Variants in ADAM22 observed in about 807,000 individuals in gnomAD.
The protein encoded by ADAM22 is ADAM metallopeptidase domain 22.
Under a neutral mutation model 144.6 loss-of-function variants are expected in ADAM22, and 65 were observed. The ratio of observed to expected loss-of-function variants is 0.45; its 90% confidence interval spans 0.37 to 0.55. The LOEUF is 0.55. Among genes scored for constraint, ADAM22 ranks in the 20% least tolerant of loss-of-function variants. The pLI is 0.00. For missense variants in ADAM22, 974 were observed against 1,184.9 expected (o/e 0.82, Z 2.61); for synonymous variants, 391 against 412.6 (o/e 0.95, Z 0.63).
chr7:88,181,291 G>T (rs1047579203), intron 27 of ADAM22, among the ~76,000 whole-genome samples: 2 of 152,086 alleles, frequency 1.3e-5, no homozygotes, highest in African/African-American at 4.8e-5. Context: ...TTGTAATGGG[G>T]TTCCATTGTA....
chr7:88,147,705 C>G (rs542452012), intron 17 of ADAM22, among the ~76,000 whole-genome samples: 2 of 152,228 alleles, frequency 1.3e-5, no homozygotes, highest in African/African-American at 4.8e-5. Flanking sequence ...TATCCTAGCA[C>G]TTAGTGCAAA....
rs535147283 is a variant in ADAM22, at chr7:88,002,820, C to T, written c.323+24408C>T. ...CCATTTTATAAGACTGTTTTCACTT[C>T]CTCCTTGATCCTGACCCAAGACATA... On this transcript the variant is annotated intron_variant, in intron 3 of 31. Coordinates refer to ENST00000413139, the MANE Select transcript of ADAM22 (RefSeq NM_001324418.2). Among the ~76,000 whole-genome samples the T allele has an allele frequency of 8.5e-5, 13 of 152,274 alleles. No homozygotes were observed. The South Asian group carries it at 2.5e-3, about 29-fold the overall frequency.
rs1170438410 is a variant in ADAM22, at chr7:88,163,937, T to C, written c.2076+757T>C. Reference sequence around the variant, plus strand: ...GTTCCAGATTCTTTGCTTGAACTGTTGTATTATCCAGTTAAGATAAAGGAT... The same window carrying C: ...GTTCCAGATTCTTTGCTTGAACTGTCGTATTATCCAGTTAAGATAAAGGAT... On this transcript the variant is annotated intron_variant, in intron 23 of 31. Coordinates refer to ENST00000413139, the MANE Select transcript of ADAM22 (RefSeq NM_001324418.2). 2.6e-5 allele frequency among the ~76,000 whole-genome samples: 4 copies of C among 152,124 alleles called. No individual in the cohort carries two copies. The East Asian group carries it at 7.7e-4, about 29-fold the overall frequency.
At chr7:88,070,996 T>A (rs1198912993) in intron 3 of ADAM22, among the ~76,000 whole-genome samples, 1 of 152,114 alleles carries the variant, frequency 6.6e-6, no homozygotes, top group Non-Finnish European at 1.5e-5. Flanking sequence ...GAGGGACCAT[T>A]TGACAACTGT....
At chr7:88,168,740 A>G (rs1398315140) in intron 25 of ADAM22, among the ~76,000 whole-genome samples, 3 of 152,182 alleles carry the variant, frequency 2.0e-5, no homozygotes, top group African/African-American at 7.2e-5. Context: ...TTAAAATGTA[A>G]ATATAGTAAA....
intron 30 of ADAM22, among the ~76,000 whole-genome samples, chr7:88,189,373 C>G (rs1366812532): frequency 6.6e-6 from 1 of 152,172 alleles, no homozygotes; most frequent in Non-Finnish European, 1.5e-5. Context: ...TTTGGTGACT[C>G]TGAAAAGAAA....
intron 22 of ADAM22, 47 bp from the exon 23 acceptor site, chr7:88,162,965 T>A (rs1346428872): frequency 6.3e-7 from 1 of 1,591,152 alleles, no homozygotes; most frequent in Admixed American, 1.8e-5. Flanking sequence ...ATTTTCAAAA[T>A]GAAGGTGAAT....
At chr7:88,045,139 T>G (rs1327743305) in intron 3 of ADAM22, among the ~76,000 whole-genome samples, 1 of 150,682 alleles carries the variant, frequency 6.6e-6, no homozygotes, top group Non-Finnish European at 1.5e-5. Context: ...TGCCTCAGCC[T>G]CCGGAGTACC....
intron 4 of ADAM22, chr7:88,090,006 T>C (rs1449156600): frequency 6.6e-6 from 1 of 152,334 alleles, no homozygotes. Flanking sequence ...TCACATAGCA[T>C]AAACTGAGGT....
intron 31 of ADAM22, among the ~76,000 whole-genome samples, chr7:88,194,019 A>T (rs1451502246): frequency 6.6e-6 from 1 of 152,224 alleles, no homozygotes; most frequent in East Asian, 1.9e-4. Context: ...TGTTAATATG[A>T]GAAATGGTAA....
chr7:88,168,305 T>G, intron 25 of ADAM22, 78 bp downstream of exon 25: 1 of 1,389,630 alleles, frequency 7.2e-7, no homozygotes, highest in Non-Finnish European at 1.0e-6. Context: ...ATCTAGAAAG[T>G]TTTGTATCAT....
rs769945381 is a variant in ADAM22 at position 88,198,402 on chromosome 7, G to A, written c.*1911G>A. ...CATGACAGGAAGGGATGTGATTGTT[G>A]ATATGACCATAAAGCGATCCATCAG... is the stretch of plus-strand genomic sequence containing the variant. On this transcript the variant is annotated 3_prime_UTR_variant, in exon 32 of 32. Transcript: ENST00000413139. 6.6e-6 allele frequency: 1 copy of A among 152,160 alleles called. No homozygotes were observed. The highest frequency in any genetic ancestry group is 1.5e-5 in the Non-Finnish European group (1 of 68,038). 9.4% of individuals were successfully genotyped at this position (152,160 alleles called of 1,614,324 possible).
At position 88,190,625 on chromosome 7, in the gene ADAM22, G is replaced by A. The variant is rs569005519; in HGVS notation, c.2751-2491G>A. ...ACTTTTTAAGTGAATGAGCTGGGCT[G>A]GTGCCTGGCTTTAAGTGAAAGCCAG... On this transcript the variant is annotated intron_variant, in intron 30 of 31. Coordinates refer to ENST00000413139, the MANE Select transcript of ADAM22 (RefSeq NM_001324418.2). Among the ~76,000 whole-genome samples the A allele has an allele frequency of 1.5e-3, 226 of 152,308 alleles. 4 individuals are homozygous for A. The highest frequency in any genetic ancestry group is 2.4e-3 in the Non-Finnish European group (165 of 68,016).
At chr7:88,128,566 G>C in intron 8 of ADAM22, 36 bp from the exon 9 acceptor site, 1 of 1,551,430 alleles carries the variant, frequency 6.4e-7, no homozygotes, top group East Asian at 2.2e-5. Flanking sequence ...AGTTTAGAGG[G>C]CTGAATTAGG....
At chr7:88,019,197 G>A (rs910313034) in intron 3 of ADAM22, among the ~76,000 whole-genome samples, 3 of 152,162 alleles carry the variant, frequency 2.0e-5, no homozygotes, top group African/African-American at 7.2e-5. Flanking sequence ...TGCTAGGCCA[G>A]GTGTCATGGC....
Position 88,153,283 on chromosome 7 carries a change from A to C in ADAM22, c.1744A>C (p.Asn582His). Reference sequence around the variant, plus strand: ...GAATATTGAAGGGACGGAGAAGGGTAACTGTGGGAAAGACAAAGACACATG... The same window carrying C: ...GAATATTGAAGGGACGGAGAAGGGTCACTGTGGGAAAGACAAAGACACATG... Reference protein sequence around the residue: ...KLNIEGTEKGNCGKDKDTWIQ... With the variant: ...KLNIEGTEKGHCGKDKDTWIQ... Residue 582 changes from asparagine (N) to histidine (H), a missense_variant, in exon 21 of 32, where the codon AAC (asparagine) becomes CAC (histidine). Asn to His is a moderately conservative substitution (Grantham distance 68, BLOSUM62 1). Transcript: ENST00000413139. 1 of 1,613,514 alleles carries C rather than the reference A, an allele frequency of 6.2e-7. No homozygotes were observed. The highest frequency in any genetic ancestry group is 8.5e-7 in the Non-Finnish European group (1 of 1,179,676).
At chr7:87,959,877 G>C (rs952339047) in intron 2 of ADAM22, among the ~76,000 whole-genome samples, 1 of 152,144 alleles carries the variant, frequency 6.6e-6, no homozygotes, top group Non-Finnish European at 1.5e-5. Flanking sequence ...CACTCTTTTA[G>C]AATATACAAT....
chr7:88,181,470 AT>A, intron 27 of ADAM22, 34 bp from the exon 28 acceptor site: 2 of 1,580,084 alleles, frequency 1.3e-6, no homozygotes, highest in Non-Finnish European at 1.7e-6. Flanking sequence ...ATTTGGTTAC[AT>A]TTTTGAACAA....
intron 3 of ADAM22, among the ~76,000 whole-genome samples, chr7:88,007,264 G>T (rs1000428090): frequency 1.3e-5 from 2 of 152,100 alleles, no homozygotes; most frequent in Non-Finnish European, 2.9e-5. Flanking sequence ...CAAACAAATG[G>T]AAGAACATTC....
Sources: gnomAD v4.1 joint callset for allele counts (sites outside exome capture counted in the v4.1 genomes callset) on GRCh38, gnomAD v4.1.1 for gene constraint, MANE v1.5 for transcripts, NCBI Gene and HGNC (gene_info 2026-07-23, HGNC 2026-07-21) for gene names.